Variants in CCDC27 observed in about 807,000 individuals in gnomAD.
The protein encoded by CCDC27 is coiled-coil domain containing 27, also known as coiled-coil domain-containing protein 27.
CCDC27 carries 80 observed loss-of-function variants against 80.3 expected under a neutral mutation model. The ratio of observed to expected loss-of-function variants is 1.00; its 90% CI spans 0.83 to 1.20. The LOEUF (loss-of-function observed/expected upper bound fraction) is 1.20. CCDC27 is among the 50% of genes most tolerant of loss of function. The pLI, the probability that CCDC27 is intolerant of heterozygous loss-of-function variation, is 0.00. For missense variants in CCDC27, 815 were observed against 809.4 expected (o/e 1.01, Z -0.08); for synonymous variants, 342 against 334.3 (o/e 1.02, Z -0.25).
intron 6 of CCDC27, 75 bp downstream of exon 6, chr1:3,762,787 G>A (rs1557625853): frequency 4.5e-6 from 6 of 1,330,652 alleles, no homozygotes; most frequent in Non-Finnish European, 6.2e-6. Context: ...TTAACTAAGA[G>A]GCCCAGGCCC....
chr1:3,763,486 G>T lies in CCDC27; in HGVS notation c.1321+12G>T, dbSNP rs1229667863. On this transcript the variant is annotated intron_variant, in intron 7 of 11. Transcript: ENST00000294600. The surrounding 1 kb of genome is among the most constrained non-coding windows in gnomAD (Gnocchi z 7.5). ...CTCCCTTGCAACAGGTAGGGCCTCG[G>T]CGGGGGGCACTGGGCTTTGGCCACT... is the stretch of plus-strand genomic sequence containing the variant. 4 of 1,579,562 alleles carry T rather than the reference G, an allele frequency of 2.5e-6. No homozygotes were observed. The highest frequency in any genetic ancestry group is 2.3e-5 in the South Asian group (2 of 85,338).
chr1:3,766,789 T>C lies in CCDC27; in HGVS notation c.1530+177T>C, dbSNP rs1360988126. 1.3e-5 allele frequency among the ~76,000 whole-genome samples: 2 copies of C among 151,678 alleles called. No individual in the cohort carries two copies. The highest frequency in any genetic ancestry group is 2.4e-5 in the African/African-American group (1 of 41,230). Reference sequence around the variant, plus strand: ...CGTCCACACAGAAGGCTCCTCGCAATTGCTGGGTCCAGACTGGACTGGAGG... The same window carrying C: ...CGTCCACACAGAAGGCTCCTCGCAACTGCTGGGTCCAGACTGGACTGGAGG... On this transcript the variant is annotated intron_variant, in intron 9 of 11. Transcript: ENST00000294600. This position sits in a 1 kb window ranked among gnomAD's most constrained non-coding sequence, Gnocchi z 6.1.
Position 3,752,719 on chromosome 1 carries a change from T to TGCCCAGAATGGAAACC in CCDC27, c.241_256dup (p.His86ProfsTer28), listed in dbSNP as rs1448447421. ...GAGCATGGCCAGCCGGGACGCCCGGTGCCCAGAATGGAAACCGCACCAAAA... is the reference window on the plus strand; with the variant it reads ...GAGCATGGCCAGCCGGGACGCCCGGTGCCCAGAATGGAAACCGCCCAGAATGGAAACCGCACCAAAA... On this transcript the variant is annotated frameshift_variant, in exon 1 of 12. Coordinates refer to ENST00000294600, the MANE Select transcript of CCDC27 (RefSeq NM_152492.3). LOFTEE classifies it high-confidence loss of function. The TGCCCAGAATGGAAACC allele has an allele frequency of 8.1e-6, 13 of 1,613,654 alleles. No homozygotes were observed. The highest frequency in any genetic ancestry group is 1.1e-5 in the Non-Finnish European group (13 of 1,180,020).
chr1:3,754,426 G>T (rs1419377141), intron 2 of CCDC27, among the ~76,000 whole-genome samples, 185 bp downstream of exon 2: 4 of 152,142 alleles, frequency 2.6e-5, no homozygotes, highest in African/African-American at 9.7e-5. Context: ...GCTGGGGGTG[G>T]AGGGGGGCCC....
At chr1:3,770,656 T>A (rs1052451984) in intron 11 of CCDC27, among the ~76,000 whole-genome samples, 1 of 152,098 alleles carries the variant, frequency 6.6e-6, no homozygotes, top group Non-Finnish European at 1.5e-5. Context: ...TGAACCCCAG[T>A]GTGTGCCCCT....
chr1:3,771,587 C>T lies in CCDC27; in HGVS notation c.*64C>T. ...GCCGGGGCCCAGCTCCAGAACCACC[C>T]GCCCCCACCATGCGTCCTGCTCTCA... On this transcript the variant is annotated 3_prime_UTR_variant, in exon 12 of 12. Coordinates refer to ENST00000294600, the MANE Select transcript of CCDC27 (RefSeq NM_152492.3). 1.9e-6 allele frequency: 3 copies of T among 1,568,346 alleles called. No individual in the cohort carries two copies. Among genetic ancestry groups the T allele is most frequent in the Non-Finnish European group, 1.7e-6 (2 of 1,153,010 alleles).
At position 3,763,780 on chromosome 1, in the gene CCDC27, A is replaced by G. The variant is rs758102223; in HGVS notation, c.1396A>G (p.Thr466Ala). 6 of 1,614,134 alleles carry G rather than the reference A, an allele frequency of 3.7e-6. No individual in the cohort carries two copies. The South Asian group carries it at 4.4e-5, about 12-fold the overall frequency. Residue 466 changes from threonine to alanine, a missense_variant, in exon 8 of 12, where the codon ACG becomes GCG. Transcript: ENST00000294600. This position sits in a 1 kb window ranked among gnomAD's most constrained non-coding sequence, Gnocchi z 7.5. Reference protein sequence around the residue: ...QLRKINTENETLQKELRERRQ... With the variant: ...QLRKINTENEALQKELRERRQ... Reference sequence around the variant, plus strand: ...GCGAAAGATCAATACGGAAAATGAGACGCTGCAGAAGGAGCTCCGAGAGCG... The same window carrying G: ...GCGAAAGATCAATACGGAAAATGAGGCGCTGCAGAAGGAGCTCCGAGAGCG...
intron 4 of CCDC27, among the ~76,000 whole-genome samples, chr1:3,758,557 C>A (rs1447649659): frequency 6.6e-6 from 1 of 152,170 alleles, no homozygotes; most frequent in Admixed American, 6.5e-5. Flanking sequence ...GAGCTCACGG[C>A]AGCCTCCATC....
chr1:3,756,617 G>A, intron 3 of CCDC27, 116 bp from the exon 4 acceptor site: 1 of 1,071,190 alleles, frequency 9.3e-7, no homozygotes. Context: ...AGTCTGTCTG[G>A]GCAGATAGGG....
In CCDC27 at chr1:3,761,512, G is replaced by T; in HGVS notation, c.861+82G>T. ...GTCCAAAGCTGCTAGTGACACACAG[G>T]CCCCTGGCAAACCCCCAGGCCCCCT... On this transcript the variant is annotated intron_variant, in intron 5 of 11. Transcript: ENST00000294600. This position sits in a 1 kb window ranked among gnomAD's most constrained non-coding sequence, Gnocchi z 5.0. 5 of 1,509,184 alleles carry T rather than the reference G, an allele frequency of 3.3e-6. No homozygotes were observed. In the East Asian group the frequency reaches 6.9e-5, roughly 21 times the overall value. 93.5% of individuals were successfully genotyped at this position (1,509,184 alleles called of 1,614,324 possible).
In CCDC27 at chr1:3,766,056, G is replaced by C. The variant is rs1355117726; in HGVS notation, c.1453-479G>C. ...AACCAATGTTCTTATTTTTTGTAGAGATAGGATCTATGTTACCCACGCTTC... is the reference window on the plus strand; with the variant it reads ...AACCAATGTTCTTATTTTTTGTAGACATAGGATCTATGTTACCCACGCTTC... On this transcript the variant is annotated intron_variant, in intron 8 of 11. Transcript: ENST00000294600. This position sits in a 1 kb window ranked among gnomAD's most constrained non-coding sequence, Gnocchi z 6.1. 1.3e-5 allele frequency among the ~76,000 whole-genome samples: 2 copies of C among 152,024 alleles called. No individual in the cohort carries two copies. Among genetic ancestry groups the C allele is most frequent in the Admixed American group, 6.6e-5 (1 of 15,250 alleles).
chr1:3,756,429 C>T, intron 3 of CCDC27: 1 of 266,292 alleles, frequency 3.8e-6, no homozygotes, highest in Non-Finnish European at 7.3e-6. Flanking sequence ...TCAGGATGAC[C>T]CCCTCGTCCC....
At position 3,757,832 on chromosome 1, in the gene CCDC27, G is replaced by A. The variant is rs554702968; in HGVS notation, c.711+942G>A. ...AGCTACTTGGGAGGCTGAGGCAGGA[G>A]AATGGTGTGAACCAGGGAGGCGGAG... On this transcript the variant is annotated intron_variant, in intron 4 of 11. Transcript: ENST00000294600. Among the ~76,000 whole-genome samples the A allele has an allele frequency of 1.7e-3, 258 of 151,470 alleles. 6 individuals carry two copies. In the South Asian group the frequency reaches 0.037, roughly 22 times the overall value.
rs1643147810 is a variant in CCDC27 at position 3,763,544 on chromosome 1, A to G, written c.1321+70A>G. 1.3e-6 allele frequency: 2 copies of G among 1,548,300 alleles called. No homozygotes were observed. The highest frequency in any genetic ancestry group is 8.7e-7 in the Non-Finnish European group (1 of 1,146,570). On this transcript the variant is annotated intron_variant, in intron 7 of 11. Transcript: ENST00000294600. This position sits in a 1 kb window ranked among gnomAD's most constrained non-coding sequence, Gnocchi z 7.5. ...TCCCGGCCCAGGAGCTGGGACGCCC[A>G]GACGCTGCCTGCTCTGGTCAGTGAG...
In CCDC27 at chr1:3,766,997, T is replaced by C. The variant is rs181921490; in HGVS notation, c.1531-236T>C. ...CTGGGACTACCAGCACTTGCCATCA[T>C]GCCCAGCTAATTTTTGTATTTTTAG... On this transcript the variant is annotated intron_variant, in intron 9 of 11. Coordinates refer to ENST00000294600, the MANE Select transcript of CCDC27 (RefSeq NM_152492.3). This position sits in a 1 kb window ranked among gnomAD's most constrained non-coding sequence, Gnocchi z 6.1. Among the ~76,000 whole-genome samples the C allele has an allele frequency of 1.1e-3, 161 of 152,238 alleles. 1 individual carries two copies. The highest frequency in any genetic ancestry group is 3.5e-3 in the Admixed American group (54 of 15,292).
At position 3,754,109 on chromosome 1, in the gene CCDC27, C is replaced by T. The variant is rs200041663; in HGVS notation, c.319-9C>T. The T allele has an allele frequency of 3.6e-4, 575 of 1,612,556 alleles. 4 individuals carry two copies. The Middle Eastern group carries it at 5.3e-3, about 15-fold the overall frequency. On this transcript the variant is annotated splice_polypyrimidine_tract_variant and intron_variant, in intron 1 of 11. Coordinates refer to ENST00000294600, the MANE Select transcript of CCDC27 (RefSeq NM_152492.3). ...TTCCTTGTCTGTCTTACTTTCCCCG[C>T]TCTGCCAGAGTGAACCCAAGGATGC... is the stretch of plus-strand genomic sequence containing the variant.
chr1:3,761,511 G>A lies in CCDC27; in HGVS notation c.861+81G>A. 2 of 1,508,734 alleles carry A rather than the reference G, an allele frequency of 1.3e-6. No individual in the cohort carries two copies. The highest frequency in any genetic ancestry group is 1.3e-5 in the South Asian group (1 of 78,236). 93.5% of individuals were successfully genotyped at this position (1,508,734 alleles called of 1,614,324 possible). ...CGTCCAAAGCTGCTAGTGACACACA[G>A]GCCCCTGGCAAACCCCCAGGCCCCC... On this transcript the variant is annotated intron_variant, in intron 5 of 11. Coordinates refer to ENST00000294600, the MANE Select transcript of CCDC27 (RefSeq NM_152492.3). This position sits in a 1 kb window ranked among gnomAD's most constrained non-coding sequence, Gnocchi z 5.0.
Position 3,752,452 on chromosome 1 carries a change from T to G in CCDC27, c.-30T>G, listed in dbSNP as rs1557616940. 2 of 1,607,176 alleles carry G rather than the reference T, an allele frequency of 1.2e-6. No individual in the cohort carries two copies. The highest frequency in any genetic ancestry group is 1.7e-6 in the Non-Finnish European group (2 of 1,175,354). On this transcript the variant is annotated 5_prime_UTR_variant, in exon 1 of 12. Transcript: ENST00000294600. ...CAGGACCTGGAGCTCTGGAAGCTGA[T>G]CTCCTCCCACTGCACCAGCCAGCAG...
At chr1:3,753,761 G>C (rs556654635) in intron 1 of CCDC27, among the ~76,000 whole-genome samples, 3 of 152,246 alleles carry the variant, frequency 2.0e-5, no homozygotes, top group Non-Finnish European at 4.4e-5. Context: ...CAGTGGGAGA[G>C]TGGCTTAGTG....
Sources: allele counts gnomAD v4.1 joint callset (sites outside exome capture counted in the v4.1 genomes callset), GRCh38; gene constraint gnomAD v4.1.1; non-coding constraint Gnocchi (gnomAD v3.1); transcripts MANE v1.5; gene names NCBI Gene and HGNC (gene_info 2026-07-23, HGNC 2026-07-21).